Variants in AK5 observed in about 807,000 individuals in gnomAD.
The protein encoded by AK5 is adenylate kinase 5.
A neutral mutation model predicts 69.5 loss-of-function variants in AK5; 27 were observed. The observed-to-expected ratio is 0.39, with a 90% CI of 0.29 to 0.54. The LOEUF (loss-of-function observed/expected upper bound fraction) is 0.54, where lower values mean the gene tolerates loss of function less well. Among genes scored for constraint, AK5 ranks in the 20% least tolerant of loss-of-function variants. AK5 has a pLI of 0.71. For synonymous variants in AK5, 260 were observed against 244.4 expected (o/e 1.06, Z -0.60); for missense variants, 531 against 700.4 (o/e 0.76, Z 2.73).
intron 5 of AK5, among the ~76,000 whole-genome samples, chr1:77,306,814 T>G (rs2167994): frequency 6.6e-6 from 1 of 151,778 alleles, no homozygotes; most frequent in Non-Finnish European, 1.5e-5. Flanking sequence ...GGATTTCTTC[T>G]TGATAAGTGG....
intron 6 of AK5, among the ~76,000 whole-genome samples, chr1:77,394,214 CAA>C (rs199934840): frequency 4.0e-5 from 5 of 124,588 alleles, no homozygotes; most frequent in African/African-American, 6.2e-5. Context: ...GACTCCATCT[CAA>C]AAAAAAAAAA....
chr1:77,403,988 T>C (rs1649437226), intron 6 of AK5, among the ~76,000 whole-genome samples: 1 of 152,186 alleles, frequency 6.6e-6, no homozygotes, highest in Non-Finnish European at 1.5e-5. Flanking sequence ...CAGTGGTTTG[T>C]AGTTCTCCTT....
chr1:77,383,808 A>G (rs916303893), intron 6 of AK5, among the ~76,000 whole-genome samples: 3 of 152,144 alleles, frequency 2.0e-5, no homozygotes, highest in African/African-American at 7.2e-5. Context: ...ATGAGTAGCT[A>G]TCAACATTAA....
chr1:77,282,649 C>T (rs1658124732), intron 1 of AK5: 2 of 1,199,608 alleles, frequency 1.7e-6, no homozygotes. Context: ...TCGCGCCCCT[C>T]GGATGTGGAC....
At position 77,552,165 on chromosome 1, in the gene AK5, G is replaced by C. The variant is rs143834472; in HGVS notation, c.1621-6437G>C. Among the ~76,000 whole-genome samples the C allele has an allele frequency of 2.3e-4, 35 of 152,272 alleles. No individual in the cohort carries two copies. In the East Asian group the frequency reaches 6.6e-3, roughly 29 times the overall value. On this transcript the variant is annotated intron_variant, in intron 13 of 13. Coordinates refer to ENST00000354567, the MANE Select transcript of AK5 (RefSeq NM_174858.3). ...TTGGTCTGTCTTCAGCAAGAGTCCT[G>C]TTAGGTCGGTGTAGCCAGAACTTTC... is the stretch of plus-strand genomic sequence containing the variant.
chr1:77,412,941 A>G (rs1365665622), intron 7 of AK5, among the ~76,000 whole-genome samples: 1 of 152,078 alleles, frequency 6.6e-6, no homozygotes, highest in Non-Finnish European at 1.5e-5. Context: ...GCAGTCACCA[A>G]ACGCTTTGTC....
chr1:77,283,848 TA>T (rs1369237630), intron 1 of AK5, among the ~76,000 whole-genome samples: 2 of 152,246 alleles, frequency 1.3e-5, no homozygotes, highest in Non-Finnish European at 2.9e-5. Flanking sequence ...TCTACGCTTC[TA>T]AAAGAATCAT....
intron 6 of AK5, among the ~76,000 whole-genome samples, chr1:77,391,495 G>GTGTATATGTATATATATA (rs1425180466): frequency 3.2e-5 from 2 of 63,414 alleles, no homozygotes; most frequent in African/African-American, 1.1e-4. Context: ...GTGTGTGTGT[G>GTGTATATGTATATATATA]TATATATATA....
At chr1:77,300,863 A>G (rs530828776) in intron 5 of AK5, among the ~76,000 whole-genome samples, 1 of 152,338 alleles carries the variant, frequency 6.6e-6, no homozygotes, top group African/African-American at 2.4e-5. Context: ...AAACACATTT[A>G]GTGGTTTATC....
chr1:77,290,953 C>T (rs192535998), intron 2 of AK5, among the ~76,000 whole-genome samples: 1 of 152,226 alleles, frequency 6.6e-6, no homozygotes, highest in Admixed American at 6.5e-5. Flanking sequence ...AGGAATTAAC[C>T]ATGTTAACAA....
intron 12 of AK5, among the ~76,000 whole-genome samples, chr1:77,533,509 C>CAAAAAAAA (rs10526328): frequency 4.2e-5 from 4 of 94,940 alleles, no homozygotes; most frequent in African/African-American, 2.0e-4. Flanking sequence ...ACTCTGTCAC[C>CAAAAAAAA]AAAAAAAAAA....
At chr1:77,492,122 C>T (rs750293578) in intron 10 of AK5, among the ~76,000 whole-genome samples, 12 of 152,154 alleles carry the variant, frequency 7.9e-5, no homozygotes, top group Non-Finnish European at 1.8e-4. Flanking sequence ...AAGTGCTTTT[C>T]CCAAAACAAA....
intron 6 of AK5, among the ~76,000 whole-genome samples, chr1:77,386,583 T>C (rs142172505): frequency 5.8e-4 from 88 of 152,282 alleles, no homozygotes; most frequent in Middle Eastern, 3.4e-3. Flanking sequence ...AGCCTGAAGA[T>C]ACCATGTCAG....
At chr1:77,417,611 C>G in intron 7 of AK5, 28 bp from the exon 8 acceptor site, 1 of 1,426,376 alleles carries the variant, frequency 7.0e-7, no homozygotes, top group South Asian at 1.2e-5. Flanking sequence ...CAACCTCCAT[C>G]CACTTATCTT....
intron 9 of AK5, among the ~76,000 whole-genome samples, chr1:77,483,655 A>G (rs548774640): frequency 1.3e-5 from 2 of 152,104 alleles, no homozygotes; most frequent in Admixed American, 1.3e-4. Flanking sequence ...CTTAACACCA[A>G]CTCCCCACTG....
At chr1:77,500,291 G>C (rs533897831) in intron 10 of AK5, among the ~76,000 whole-genome samples, 1 of 152,202 alleles carries the variant, frequency 6.6e-6, no homozygotes, top group Admixed American at 6.5e-5. Flanking sequence ...GGTAAATTTG[G>C]CTTAGTAAAG....
intron 2 of AK5, among the ~76,000 whole-genome samples, chr1:77,290,136 G>A (rs1405357203): frequency 5.3e-5 from 8 of 152,080 alleles, no homozygotes; most frequent in Admixed American, 2.0e-4. Context: ...CAAACTTTTC[G>A]TATACCTATG....
chr1:77,291,673 T>C (rs12077615), intron 2 of AK5, among the ~76,000 whole-genome samples: 57,827 of 152,088 alleles, frequency 0.38, 11,420 homozygotes, highest in Non-Finnish European at 0.44. Flanking sequence ...ATTCAACAAA[T>C]ATTTATTGGA....
chr1:77,416,979 T>C (rs1301726923), intron 7 of AK5, among the ~76,000 whole-genome samples: 1 of 152,174 alleles, frequency 6.6e-6, no homozygotes, highest in Non-Finnish European at 1.5e-5. Flanking sequence ...ATTACCAGTT[T>C]AAGTCTGAGC....
Sources: allele counts gnomAD v4.1 joint callset (sites outside exome capture counted in the v4.1 genomes callset), GRCh38; gene constraint gnomAD v4.1.1; transcripts MANE v1.5; gene names NCBI Gene and HGNC (gene_info 2026-07-23, HGNC 2026-07-21).